The following FAM227B variants were observed in gnomAD, a reference collection of about 807,000 sequenced individuals.
FAM227B encodes the protein family with sequence similarity 227 member B, also known as protein FAM227B.
In FAM227B, 88 loss-of-function variants were observed where a neutral mutation model predicts 73.8. The observed-to-expected ratio is 1.19, with a 90% CI of 1.00 to 1.42. The LOEUF is 1.42. FAM227B is among the 40% of genes most tolerant of loss of function. The pLI is 0.00. For synonymous variants in FAM227B, 210 were observed against 190.5 expected, an observed-to-expected ratio of 1.10 and a Z score of -0.84; for missense variants, 632 against 590.9, an observed-to-expected ratio of 1.07 and a Z score of -0.72.
intron 8 of FAM227B, chr15:49,574,733 C>G (rs2152372650): frequency 5.6e-6 from 1 of 178,014 alleles, no homozygotes; most frequent in South Asian, 1.7e-4. Flanking sequence ...AAAAATCTGA[C>G]TTAGACTCTA....
At position 49,371,386 on chromosome 15, in the gene FAM227B, A is replaced by G. The variant is rs369064258; in HGVS notation, c.1026T>C (p.Asn342=). 12 of 1,557,208 alleles carry G rather than the reference A, an allele frequency of 7.7e-6. No individual in the cohort carries two copies. The highest frequency in any genetic ancestry group is 1.0e-5 in the Non-Finnish European group (12 of 1,143,602). The change falls in exon 12 of 16, where the codon AAT becomes AAC. Residue 342 remains asparagine (N), a synonymous_variant. Transcript: ENST00000299338. The stretch of plus-strand genomic sequence containing the variant: ...TTGGGTTGTTCAGAATCTTTATAAT[A>G]TTGAAGTCGATACCTAAAACAGAAA... ...QEHISTSIDF[N]IIKILNNPRA...
intron 12 of FAM227B, 96 bp from the exon 13 acceptor site, chr15:49,367,704 A>G (rs2045429174): frequency 1.8e-6 from 2 of 1,129,106 alleles, no homozygotes; most frequent in Middle Eastern, 5.7e-4. Flanking sequence ...TAAAGTTACC[A>G]TTTGATATAT....
chr15:49,589,663 A>C, intron 4 of FAM227B, 113 bp downstream of exon 4: 1 of 688,116 alleles, frequency 1.5e-6, no homozygotes, highest in Non-Finnish European at 2.5e-6. Context: ...CTGTAATTCC[A>C]ACACTTTTGG....
intron 9 of FAM227B, among the ~76,000 whole-genome samples, chr15:49,563,259 A>G (rs1384170257): frequency 6.6e-6 from 1 of 152,146 alleles, no homozygotes; most frequent in Non-Finnish European, 1.5e-5. Flanking sequence ...CCAAAAATAA[A>G]ATACCCAGGA....
chr15:49,350,188 A>T (rs1435254437), intron 13 of FAM227B, among the ~76,000 whole-genome samples: 1 of 152,172 alleles, frequency 6.6e-6, no homozygotes, highest in Admixed American at 6.5e-5. Flanking sequence ...TGACAATGGA[A>T]ATGTCTGACA....
intron 9 of FAM227B, among the ~76,000 whole-genome samples, chr15:49,542,711 A>AAT (rs56759104): frequency 0.023 from 3,410 of 147,890 alleles, 137 homozygotes; most frequent in African/African-American, 0.074. Flanking sequence ...TTTATATATA[A>AAT]ATATATATAT....
At chr15:49,528,649 C>T (rs1046710903) in intron 10 of FAM227B, among the ~76,000 whole-genome samples, 2 of 151,424 alleles carry the variant, frequency 1.3e-5, no homozygotes, top group Non-Finnish European at 3.0e-5. Flanking sequence ...AAAAACACTC[C>T]ATTAAAAAGT....
chr15:49,553,508 T>C (rs2073285335), intron 9 of FAM227B, among the ~76,000 whole-genome samples: 1 of 152,182 alleles, frequency 6.6e-6, no homozygotes, highest in Non-Finnish European at 1.5e-5. Context: ...TGTCCTTCCC[T>C]TCAGGGTGGC....
At chr15:49,338,640 T>G (rs999246550) in intron 13 of FAM227B, among the ~76,000 whole-genome samples, 1 of 152,194 alleles carries the variant, frequency 6.6e-6, no homozygotes, top group Non-Finnish European at 1.5e-5. Flanking sequence ...CTTTGTGGTG[T>G]TCTCTGTATT....
intron 9 of FAM227B, among the ~76,000 whole-genome samples, chr15:49,544,547 T>C (rs1443743248): frequency 3.9e-5 from 6 of 152,134 alleles, no homozygotes; most frequent in Non-Finnish European, 7.4e-5. Context: ...GTATGTTAAA[T>C]AGAAGTGGTG....
At chr15:49,385,217 A>G (rs2046806358) in intron 11 of FAM227B, among the ~76,000 whole-genome samples, 1 of 151,948 alleles carries the variant, frequency 6.6e-6, no homozygotes, top group Non-Finnish European at 1.5e-5. Context: ...AAGTACATTC[A>G]TGTAACCTTA....
intron 10 of FAM227B, among the ~76,000 whole-genome samples, chr15:49,535,006 C>A (rs548849661): frequency 6.6e-6 from 1 of 151,166 alleles, no homozygotes; most frequent in African/African-American, 2.4e-5. Context: ...AATAAATAAC[C>A]TAACATTATG....
At chr15:49,428,975 T>C (rs2050362451) in intron 11 of FAM227B, among the ~76,000 whole-genome samples, 1 of 151,984 alleles carries the variant, frequency 6.6e-6, no homozygotes, top group African/African-American at 2.4e-5. Context: ...CAGCGACTCA[T>C]TTGTCAACAA....
chr15:49,489,826 A>ATATATATAT (rs1312386575), intron 11 of FAM227B, among the ~76,000 whole-genome samples: 1 of 34,960 alleles, frequency 2.9e-5, no homozygotes, highest in African/African-American at 1.3e-4. Flanking sequence ...TATATTTTAT[A>ATATATATAT]TATATATATA....
At chr15:49,543,994 A>C (rs905796658) in intron 9 of FAM227B, among the ~76,000 whole-genome samples, 1 of 152,058 alleles carries the variant, frequency 6.6e-6, no homozygotes, top group South Asian at 2.1e-4. Flanking sequence ...TTTTGGTTCC[A>C]TATGAATTTT....
At position 49,356,490 on chromosome 15, in the gene FAM227B, C is replaced by T. The variant is rs1276214271; in HGVS notation, c.1271+10958G>A. 5.4e-5 allele frequency among the ~76,000 whole-genome samples: 8 copies of T among 148,426 alleles called. No individual in the cohort carries two copies. The South Asian group carries it at 1.3e-3, about 25-fold the overall frequency. On this transcript the variant is annotated intron_variant, in intron 13 of 15. Coordinates refer to ENST00000299338, the MANE Select transcript of FAM227B (RefSeq NM_152647.3). ...CAAAGATCAAAAGAGACAAAGAAGG[C>T]CATTACATAATGGTAAAGGGATCAA...
At chr15:49,523,581 A>G (rs12101391) in intron 10 of FAM227B, among the ~76,000 whole-genome samples, 18 of 152,144 alleles carry the variant, frequency 1.2e-4, no homozygotes, top group Non-Finnish European at 2.4e-4. Flanking sequence ...TGGTACCGGT[A>G]TAGTGGGGTG....
intron 11 of FAM227B, among the ~76,000 whole-genome samples, chr15:49,449,871 T>C (rs983296985): frequency 1.3e-5 from 2 of 152,126 alleles, no homozygotes; most frequent in Admixed American, 6.6e-5. Flanking sequence ...GATACTGTCA[T>C]CCTGTGAATT....
intron 11 of FAM227B, among the ~76,000 whole-genome samples, chr15:49,489,871 TATATATATATATAGAGAGAG>T (rs2056887025): frequency 1.3e-4 from 2 of 15,820 alleles, no homozygotes; most frequent in Non-Finnish European, 2.9e-4. Flanking sequence ...TATATATATA[TATATATATATATAGAGAGAG>T]AGAGAGAGAG....
Sources: gnomAD v4.1 joint callset for allele counts (sites outside exome capture counted in the v4.1 genomes callset) on GRCh38, gnomAD v4.1.1 for gene constraint, MANE v1.5 for transcripts, NCBI Gene and HGNC (gene_info 2026-07-23, HGNC 2026-07-21) for gene names.